The following ASB3 variants were observed in gnomAD, a reference collection of about 807,000 sequenced individuals.
ASB3 encodes the protein ankyrin repeat and SOCS box containing 3.
A neutral mutation model predicts 54.5 loss-of-function variants in ASB3; 41 were observed. The observed-to-expected ratio is 0.75, with a 90% CI of 0.59 to 0.98. The LOEUF (loss-of-function observed/expected upper bound fraction) is 0.98, where lower values mean the gene tolerates loss of function less well. Among genes scored for constraint, ASB3 ranks in the 50% least tolerant of loss-of-function variants. The pLI is 0.00. For missense variants in ASB3, 733 were observed against 620.0 expected (o/e 1.18, Z -1.94); for synonymous variants, 266 against 221.2 (o/e 1.20, Z -1.80).
intron 9 of ASB3, among the ~76,000 whole-genome samples, chr2:53,682,649 G>A (rs1208644392): frequency 6.6e-6 from 1 of 151,864 alleles, no homozygotes; most frequent in Non-Finnish European, 1.5e-5. Context: ...GCTAATTTTT[G>A]TATTTTTAGT....
chr2:53,730,380 T>C (rs1008458839), intron 3 of ASB3, among the ~76,000 whole-genome samples: 2 of 152,038 alleles, frequency 1.3e-5, no homozygotes, highest in African/African-American at 4.8e-5. Flanking sequence ...AATGGAGAAA[T>C]AGTAGTATTT....
Position 53,716,547 on chromosome 2 carries a change from TTC to T in ASB3, c.782+17_782+18del, listed in dbSNP as rs1670405047. The T allele has an allele frequency of 6.2e-7, 1 of 1,602,668 alleles. No homozygotes were observed. Among genetic ancestry groups the T allele is most frequent in the African/African-American group, 1.3e-5 (1 of 74,654 alleles). ...TTTTGATTAAGAGACCATGTTTATT[TTC>T]TGTTTTTAACACTTACTTTGTATGG... is the stretch of plus-strand genomic sequence containing the variant. On this transcript the variant is annotated intron_variant, in intron 6 of 9. Coordinates refer to ENST00000263634, the MANE Select transcript of ASB3 (RefSeq NM_016115.5).
At chr2:53,727,656 A>C (rs1671078188) in intron 5 of ASB3, among the ~76,000 whole-genome samples, 2 of 152,052 alleles carry the variant, frequency 1.3e-5, no homozygotes, top group South Asian at 4.1e-4. Context: ...TAAACAAGCA[A>C]ACAAACAAAC....
intron 5 of ASB3, among the ~76,000 whole-genome samples, chr2:53,727,325 C>G (rs1431735319): frequency 2.0e-5 from 3 of 151,926 alleles, no homozygotes; most frequent in Non-Finnish European, 4.4e-5. Flanking sequence ...TAAAAGAAAG[C>G]AAAAATAAGA....
intron 7 of ASB3, among the ~76,000 whole-genome samples, chr2:53,703,464 A>C: frequency 6.6e-6 from 1 of 152,184 alleles, no homozygotes; most frequent in East Asian, 1.9e-4. Context: ...ATAATAAGGA[A>C]GAGAAAACTT....
chr2:53,696,902 G>A (rs754618799), intron 8 of ASB3, among the ~76,000 whole-genome samples: 3 of 152,140 alleles, frequency 2.0e-5, no homozygotes, highest in Non-Finnish European at 4.4e-5. Flanking sequence ...ATGTGTCAGA[G>A]GTGTATGAAC....
intron 5 of ASB3, among the ~76,000 whole-genome samples, chr2:53,722,074 TGA>T (rs982558688): frequency 2.7e-5 from 4 of 150,872 alleles, no homozygotes; most frequent in Non-Finnish European, 5.9e-5. Context: ...TGCACGCAAA[TGA>T]GAAAATCTAG....
At chr2:53,758,066 GAA>G (rs1055189227) in intron 2 of ASB3, among the ~76,000 whole-genome samples, 2 of 152,104 alleles carry the variant, frequency 1.3e-5, no homozygotes, top group Non-Finnish European at 1.5e-5. Context: ...AAGTAGTAAA[GAA>G]AAAACAGTGC....
intron 9 of ASB3, among the ~76,000 whole-genome samples, chr2:53,678,053 C>G (rs1668174628): frequency 6.6e-6 from 1 of 151,656 alleles, no homozygotes; most frequent in Non-Finnish European, 1.5e-5. Context: ...GTTTTGTATG[C>G]TTATGTTGAT....
At chr2:53,749,939 T>C (rs1449956330) in intron 3 of ASB3, among the ~76,000 whole-genome samples, 1 of 152,062 alleles carries the variant, frequency 6.6e-6, no homozygotes, top group Non-Finnish European at 1.5e-5. Context: ...AGTACATAAA[T>C]TTAAGTAATA....
intron 5 of ASB3, among the ~76,000 whole-genome samples, chr2:53,718,974 G>A (rs1670549209): frequency 6.6e-6 from 1 of 152,158 alleles, no homozygotes; most frequent in Admixed American, 6.5e-5. Context: ...AGGCTGGAGT[G>A]CAATGGTGCG....
intron 5 of ASB3, among the ~76,000 whole-genome samples, chr2:53,723,266 C>T (rs1421796303): frequency 6.6e-6 from 1 of 152,154 alleles, no homozygotes; most frequent in Non-Finnish European, 1.5e-5. Context: ...CCCATACTGC[C>T]CAAAGCAATC....
At chr2:53,758,025 A>G (rs1452166845) in intron 2 of ASB3, among the ~76,000 whole-genome samples, 17 of 152,164 alleles carry the variant, frequency 1.1e-4, no homozygotes, top group Admixed American at 1.0e-3. Flanking sequence ...AGAGAGAGAA[A>G]AGAGAGGGAG....
intron 1 of ASB3, among the ~76,000 whole-genome samples, chr2:53,775,824 T>C (rs1416534675): frequency 6.6e-6 from 1 of 152,220 alleles, no homozygotes; most frequent in Non-Finnish European, 1.5e-5. Context: ...GCCATTTTGT[T>C]ACCTGCATAG....
intron 3 of ASB3, among the ~76,000 whole-genome samples, chr2:53,742,763 AAC>A (rs542583309): frequency 3.5e-4 from 54 of 152,238 alleles, no homozygotes; most frequent in African/African-American, 1.2e-3. Flanking sequence ...GTAAAACAAA[AAC>A]ACAGAGAAAG....
At chr2:53,697,166 G>A (rs1332698398) in intron 8 of ASB3, among the ~76,000 whole-genome samples, 5 of 152,184 alleles carry the variant, frequency 3.3e-5, no homozygotes, top group Non-Finnish European at 5.9e-5. Context: ...TAACGCATTA[G>A]CATGCTAGAA....
At chr2:53,752,167 A>G (rs767021971) in intron 2 of ASB3, among the ~76,000 whole-genome samples, 6 of 152,218 alleles carry the variant, frequency 3.9e-5, no homozygotes, top group Non-Finnish European at 5.9e-5. Flanking sequence ...AACTTAATAC[A>G]CTTCTAATAA....
chr2:53,749,848 C>G (rs765253011), intron 3 of ASB3, among the ~76,000 whole-genome samples: 3 of 151,952 alleles, frequency 2.0e-5, no homozygotes, highest in African/African-American at 2.4e-5. Flanking sequence ...GGTTCTATAT[C>G]TTGATTGTTG....
At chr2:53,768,042 C>G in intron 1 of ASB3, 1 of 1,611,322 alleles carries the variant, frequency 6.2e-7, no homozygotes, top group Non-Finnish European at 8.5e-7. Flanking sequence ...GGTCAGCTCC[C>G]CACACTTACT....
Sources: allele counts gnomAD v4.1 joint callset (sites outside exome capture counted in the v4.1 genomes callset), GRCh38; gene constraint gnomAD v4.1.1; transcripts MANE v1.5; gene names NCBI Gene and HGNC (gene_info 2026-07-23, HGNC 2026-07-21).